Variants in SLC8A3 observed in about 807,000 individuals in gnomAD.
SLC8A3 encodes the protein sodium/calcium exchanger 3.
Under a neutral mutation model 65.4 loss-of-function variants are expected in SLC8A3, and 37 were observed. The ratio of observed to expected loss-of-function variants is 0.57; its 90% CI spans 0.44 to 0.74. The LOEUF (loss-of-function observed/expected upper bound fraction) is 0.74, where lower values mean the gene tolerates loss of function less well. SLC8A3 is among the 30% of genes least tolerant of loss of function. The pLI is 0.00. For missense variants in SLC8A3, 1,112 were observed against 1,172.1 expected, an observed-to-expected ratio of 0.95 and a Z score of 0.75; for synonymous variants, 461 against 444.5, an observed-to-expected ratio of 1.04 and a Z score of -0.47.
Position 70,166,738 on chromosome 14 carries a change from A to T in SLC8A3, c.1685T>A (p.Val562Asp), listed in dbSNP as rs1897183130. 6.2e-7 allele frequency: 1 copy of T among 1,613,890 alleles called. No homozygotes were observed. Among genetic ancestry groups the T allele is most frequent in the African/African-American group, 1.3e-5 (1 of 74,906 alleles). The change falls in exon 2 of 7, where the codon GTC becomes GAC. Residue 562 changes from valine to aspartate, a missense_variant. Coordinates refer to ENST00000356921, the MANE Select transcript of SLC8A3 (RefSeq NM_182932.3). ...TTCTACTGTCCTAAAGGGGACGATG[A>T]CTGTACCCCGGGCACCTGATGTCCG... ...VLRTSGARGT[V>D]IVPFRTVEGT...
At chr14:70,092,123 C>T (rs1237221628) in intron 2 of SLC8A3, among the ~76,000 whole-genome samples, 2 of 152,238 alleles carry the variant, frequency 1.3e-5, no homozygotes, top group Non-Finnish European at 2.9e-5. Flanking sequence ...CTATCCTTAA[C>T]ATCAGGGCTT....
chr14:70,091,575 A>G (rs772135415), intron 2 of SLC8A3, among the ~76,000 whole-genome samples: 1 of 152,110 alleles, frequency 6.6e-6, no homozygotes, highest in Non-Finnish European at 1.5e-5. Context: ...ATCTCATTTC[A>G]TATTGCTTTG....
At position 70,051,030 on chromosome 14, in the gene SLC8A3, C is replaced by A; in HGVS notation, c.2091G>T (p.Met697Ile). The A allele has an allele frequency of 1.2e-6, 2 of 1,612,858 alleles. No individual in the cohort carries two copies. The highest frequency in any genetic ancestry group is 2.2e-5 in the South Asian group (2 of 91,048). Reference sequence around the variant, plus strand: ...CACCTGCACTGACGGTGATGGCCTCCATGAACTGGTCCCTCCAGGAATGGG... The same window carrying A: ...CACCTGCACTGACGGTGATGGCCTCAATGAACTGGTCCCTCCAGGAATGGG... ...VGTHSWRDQF[M>I]EAITVSAAGD... Residue 697 changes from methionine (M) to isoleucine (I), a missense_variant, in exon 5 of 7, where the codon ATG becomes ATT. Coordinates refer to ENST00000356921, the MANE Select transcript of SLC8A3 (RefSeq NM_182932.3).
intron 2 of SLC8A3, among the ~76,000 whole-genome samples, chr14:70,082,236 T>C (rs910457380): frequency 2.0e-5 from 3 of 151,256 alleles, no homozygotes; most frequent in African/African-American, 7.4e-5. Context: ...ATATCCTTGA[T>C]AAGATTTTCT....
At chr14:70,116,561 G>A (rs1478682813) in intron 2 of SLC8A3, among the ~76,000 whole-genome samples, 1 of 152,148 alleles carries the variant, frequency 6.6e-6, no homozygotes, top group Admixed American at 6.5e-5. Flanking sequence ...CTTCATCATT[G>A]GTTCTCAGGT....
At chr14:70,078,784 C>T (rs2139982527) in intron 2 of SLC8A3, among the ~76,000 whole-genome samples, 1 of 152,286 alleles carries the variant, frequency 6.6e-6, no homozygotes, top group Middle Eastern at 3.4e-3. Context: ...TAAAACCTCA[C>T]TTGTATGGCT....
chr14:70,046,192 A>T lies in SLC8A3; in HGVS notation c.2521T>A (p.Trp841Arg), dbSNP rs953582765. ...GLAWSVAAIY[W>R]ALQGQEFHVS... ...TGGAACTCCTGTCCCTGCAGAGCCC[A>T]GTAGATGGCGGCCACGGACCAGGCC... Residue 841 changes from tryptophan (W) to arginine (R), a missense_variant, in exon 7 of 7, where the codon TGG (tryptophan) becomes AGG (arginine). By Grantham distance (101) the Trp-to-Arg change is moderately radical (BLOSUM62 -3). Transcript: ENST00000356921. The surrounding 1 kb of genome is among the most constrained non-coding windows in gnomAD (Gnocchi z 4.2). 1.2e-6 allele frequency: 2 copies of T among 1,614,234 alleles called. No homozygotes were observed. The highest frequency in any genetic ancestry group is 2.2e-5 in the South Asian group (2 of 91,084).
chr14:70,047,519 T>A (rs1418531494), intron 6 of SLC8A3: 1 of 152,362 alleles, frequency 6.6e-6, no homozygotes, highest in Admixed American at 6.5e-5. Context: ...AACCTTCTGA[T>A]GCATTTCCAC....
rs148831016 is a variant in SLC8A3, at chr14:70,065,419, G to A, written c.1785-4480C>T. On this transcript the variant is annotated intron_variant, in intron 2 of 6. Coordinates refer to ENST00000356921, the MANE Select transcript of SLC8A3 (RefSeq NM_182932.3). ...ACACCCACCCCAGTCATGGAAAAGC[G>A]TGGCTGGCTACCGTAGAAAGCCCGT... Among the ~76,000 whole-genome samples the A allele has an allele frequency of 1.4e-3, 213 of 152,222 alleles. 3 individuals are homozygous for A. In the East Asian group the frequency reaches 0.032, roughly 23 times the overall value.
intron 2 of SLC8A3, among the ~76,000 whole-genome samples, chr14:70,132,465 C>A (rs757290250): frequency 6.6e-6 from 1 of 152,150 alleles, no homozygotes; most frequent in Non-Finnish European, 1.5e-5. Flanking sequence ...TGCAGCCAAA[C>A]TGAGATAGTG....
At chr14:70,170,699 G>A (rs887685344) in intron 1 of SLC8A3, among the ~76,000 whole-genome samples, 1 of 152,212 alleles carries the variant, frequency 6.6e-6, no homozygotes. Context: ...TGTGCTCAAA[G>A]AGAAATTCTC....
At chr14:70,109,808 T>C (rs987406079) in intron 2 of SLC8A3, among the ~76,000 whole-genome samples, 4 of 152,170 alleles carry the variant, frequency 2.6e-5, no homozygotes, top group African/African-American at 9.7e-5. Flanking sequence ...CCTACCTAGC[T>C]ATCTCCCACC....
chr14:70,061,280 A>G (rs1455326199), intron 2 of SLC8A3, among the ~76,000 whole-genome samples: 1 of 152,106 alleles, frequency 6.6e-6, no homozygotes, highest in Non-Finnish European at 1.5e-5. Flanking sequence ...CCTTGCCAAC[A>G]GTTAGTAGGA....
chr14:70,055,279 G>A (rs1409223364), intron 3 of SLC8A3, among the ~76,000 whole-genome samples: 1 of 152,204 alleles, frequency 6.6e-6, no homozygotes, highest in Non-Finnish European at 1.5e-5. Context: ...AGTCTCAGCT[G>A]TGATGAGATG....
chr14:70,175,661 T>C (rs1030890841), intron 1 of SLC8A3, among the ~76,000 whole-genome samples: 1 of 152,154 alleles, frequency 6.6e-6, no homozygotes, highest in Admixed American at 6.5e-5. Flanking sequence ...GCTTATCTGT[T>C]TACCTATCCA....
rs766885458 is a variant in SLC8A3, at chr14:70,167,600, T to C, written c.823A>G (p.Ile275Val). The C allele has an allele frequency of 3.1e-6, 5 of 1,614,046 alleles. No homozygotes were observed. Reference sequence around the variant, plus strand: ...TTAGGGTGGTCACCCTCTGTCTCTATGATAATTCCTCGGTGTTTGTCTGTG... The same window carrying C: ...TTAGGGTGGTCACCCTCTGTCTCTACGATAATTCCTCGGTGTTTGTCTGTG... ...YRTDKHRGII[I>V]ETEGDHPKGI... Residue 275 changes from isoleucine (I) to valine (V), a missense_variant, in exon 2 of 7, where the codon ATA becomes GTA. By Grantham distance (29) the Ile-to-Val change is conservative. Transcript: ENST00000356921.
intron 1 of SLC8A3, among the ~76,000 whole-genome samples, chr14:70,174,665 T>TG (rs1392309662): frequency 0.14 from 8,330 of 60,162 alleles, 340 homozygotes; most frequent in East Asian, 0.24. Context: ...TTTTTTTGTT[T>TG]TTTTTTTTTT....
intron 2 of SLC8A3, among the ~76,000 whole-genome samples, chr14:70,085,217 G>A (rs1015491472): frequency 6.6e-6 from 1 of 152,106 alleles, no homozygotes; most frequent in Non-Finnish European, 1.5e-5. Flanking sequence ...GAGCACTGGT[G>A]TTGGGAAGGG....
intron 2 of SLC8A3, among the ~76,000 whole-genome samples, chr14:70,083,025 C>T (rs567647719): frequency 6.6e-6 from 1 of 152,186 alleles, no homozygotes; most frequent in East Asian, 1.9e-4. Flanking sequence ...CCTAGTCACA[C>T]CTCACAATCT....
Sources: gnomAD v4.1 joint callset for allele counts (sites outside exome capture counted in the v4.1 genomes callset) on GRCh38, gnomAD v4.1.1 for gene constraint, Gnocchi (gnomAD v3.1) non-coding constraint, MANE v1.5 for transcripts, NCBI Gene and HGNC (gene_info 2026-07-23, HGNC 2026-07-21) for gene names.